Variants in IL15 observed in about 807,000 individuals in gnomAD.
IL15 encodes interleukin 15, also known as interleukin-15.
IL15 carries 11 observed loss-of-function variants against 19.6 expected under a neutral mutation model. That is an observed-to-expected ratio of 0.56 (90% CI 0.35 to 0.93). The LOEUF (loss-of-function observed/expected upper bound fraction) is 0.93. IL15 is among the 40% of genes least tolerant of loss of function. The probability of loss-of-function intolerance (pLI) is 0.01; values close to 1 mark genes in which losing one functional copy is unlikely to be tolerated. For synonymous variants in IL15, 58 were observed against 59.6 expected (o/e 0.97, Z 0.12); for missense variants, 197 against 186.5 (o/e 1.06, Z -0.33).
At position 141,685,053 on chromosome 4, in the gene IL15, T is replaced by G. The variant is rs532748624; in HGVS notation, c.-100+28746T>G. Among the ~76,000 whole-genome samples the G allele has an allele frequency of 6.6e-5, 10 of 152,310 alleles. No individual in the cohort carries two copies. In the East Asian group the frequency reaches 1.5e-3, roughly 24 times the overall value. Reference sequence around the variant, plus strand: ...ATTTGTATTTCCTCTTGGCTACTACTTAGTCATTCGATGATTCAAATCAAT... The same window carrying G: ...ATTTGTATTTCCTCTTGGCTACTACGTAGTCATTCGATGATTCAAATCAAT... On this transcript the variant is annotated intron_variant, in intron 2 of 7. Coordinates refer to ENST00000320650, the MANE Select transcript of IL15 (RefSeq NM_000585.5).
At chr4:141,660,071 T>C (rs773459298) in intron 2 of IL15, among the ~76,000 whole-genome samples, 1 of 152,194 alleles carries the variant, frequency 6.6e-6, no homozygotes. Flanking sequence ...CTGCTCTTAC[T>C]GTAACAAGAA....
At chr4:141,692,209 C>T (rs997349190) in intron 2 of IL15, among the ~76,000 whole-genome samples, 2 of 152,166 alleles carry the variant, frequency 1.3e-5, no homozygotes, top group Non-Finnish European at 2.9e-5. Context: ...TGCCATGTCC[C>T]GAGGCTGCAC....
intron 1 of IL15, among the ~76,000 whole-genome samples, chr4:141,644,833 C>G (rs1347736586): frequency 6.6e-6 from 1 of 152,092 alleles, no homozygotes. Context: ...AGTTGCTAGT[C>G]CATAGCAAGT....
intron 1 of IL15, among the ~76,000 whole-genome samples, chr4:141,642,792 G>T (rs1369389724): frequency 6.6e-6 from 1 of 152,096 alleles, no homozygotes; most frequent in Non-Finnish European, 1.5e-5. Flanking sequence ...GAATTCATTT[G>T]GTGCTGTCTA....
chr4:141,637,048 C>A (rs756928777), intron 1 of IL15: 4 of 152,278 alleles, frequency 2.6e-5, no homozygotes, highest in Non-Finnish European at 5.9e-5. Context: ...TGCGCTCTTA[C>A]GGCGTTCCAG....
intron 2 of IL15, among the ~76,000 whole-genome samples, chr4:141,657,156 A>G (rs1448436163): frequency 2.0e-5 from 3 of 152,210 alleles, no homozygotes; most frequent in Non-Finnish European, 2.9e-5. Flanking sequence ...GGCAATTGTA[A>G]CACAATGATA....
chr4:141,657,056 G>C (rs1032587084), intron 2 of IL15, among the ~76,000 whole-genome samples: 1 of 152,098 alleles, frequency 6.6e-6, no homozygotes, highest in African/African-American at 2.4e-5. Context: ...AACTGAGATG[G>C]TATAGCCTAT....
chr4:141,665,110 T>G (rs1021104061), intron 2 of IL15, among the ~76,000 whole-genome samples: 2 of 152,122 alleles, frequency 1.3e-5, no homozygotes, highest in Non-Finnish European at 2.9e-5. Flanking sequence ...TTTTATCATT[T>G]TTATTTCACC....
chr4:141,721,589 A>T, intron 4 of IL15: 1 of 525,222 alleles, frequency 1.9e-6, no homozygotes, highest in Non-Finnish European at 3.6e-6. Context: ...GAAACTAGTA[A>T]TTCATTCAAA....
intron 1 of IL15, among the ~76,000 whole-genome samples, chr4:141,650,316 G>GT (rs933767073): frequency 3.9e-5 from 6 of 152,088 alleles, no homozygotes; most frequent in African/African-American, 1.4e-4. Flanking sequence ...CAATGATGGT[G>GT]TAGGATAGTT....
chr4:141,699,422 G>T (rs1197248925), intron 2 of IL15, among the ~76,000 whole-genome samples: 2 of 152,110 alleles, frequency 1.3e-5, no homozygotes, highest in Admixed American at 6.6e-5. Context: ...CGCTGTCAGA[G>T]GAGTATTGAA....
chr4:141,682,251 C>A (rs534566035), intron 2 of IL15, among the ~76,000 whole-genome samples: 2 of 152,244 alleles, frequency 1.3e-5, no homozygotes, highest in East Asian at 3.9e-4. Flanking sequence ...CAGCTTTGTT[C>A]TCTGCATAAA....
intron 2 of IL15, among the ~76,000 whole-genome samples, chr4:141,699,359 T>C (rs1469896053): frequency 6.6e-6 from 1 of 152,182 alleles, no homozygotes; most frequent in East Asian, 1.9e-4. Flanking sequence ...TTCTATGGTA[T>C]AGCTTAAGTC....
At chr4:141,714,025 C>A (rs768579876) in intron 2 of IL15, among the ~76,000 whole-genome samples, 21 of 152,108 alleles carry the variant, frequency 1.4e-4, no homozygotes, top group Non-Finnish European at 2.5e-4. Context: ...AAAGGTCAGG[C>A]TCTCATACTA....
At chr4:141,692,261 A>G (rs1308883779) in intron 2 of IL15, among the ~76,000 whole-genome samples, 2 of 152,118 alleles carry the variant, frequency 1.3e-5, no homozygotes, top group East Asian at 3.9e-4. Flanking sequence ...AACTGTTTTT[A>G]TTTTCCTAGG....
intron 7 of IL15, 37 bp from the exon 8 acceptor site, chr4:141,732,701 A>T (rs751048789): frequency 3.1e-6 from 5 of 1,600,884 alleles, no homozygotes; most frequent in Non-Finnish European, 3.4e-6. Context: ...TAATTTAATT[A>T]TAAATTGCCA....
At chr4:141,707,201 T>C (rs1185124825) in intron 2 of IL15, among the ~76,000 whole-genome samples, 1 of 152,152 alleles carries the variant, frequency 6.6e-6, no homozygotes, top group Non-Finnish European at 1.5e-5. Flanking sequence ...GTTAAAAATT[T>C]CACTTGTATT....
chr4:141,666,366 A>G (rs944476832), intron 2 of IL15, among the ~76,000 whole-genome samples: 2 of 151,882 alleles, frequency 1.3e-5, no homozygotes, highest in Admixed American at 1.3e-4. Context: ...TAAAATTTTC[A>G]ATTTTATAAG....
In IL15 at chr4:141,647,213, T is replaced by A. The variant is rs141889862; in HGVS notation, c.-221-8973T>A. Among the ~76,000 whole-genome samples, 18 of 151,924 alleles carry A rather than the reference T, an allele frequency of 1.2e-4. No individual in the cohort carries two copies. The East Asian group carries it at 3.3e-3, about 28-fold the overall frequency. ...GGGAGGAGCAGAGCACAGCGAAGAGTCAGAGAATGCCGAAGATTTTAACCA... is the reference window on the plus strand; with the variant it reads ...GGGAGGAGCAGAGCACAGCGAAGAGACAGAGAATGCCGAAGATTTTAACCA... On this transcript the variant is annotated intron_variant, in intron 1 of 7. Coordinates refer to ENST00000320650, the MANE Select transcript of IL15 (RefSeq NM_000585.5).
Sources: gnomAD v4.1 joint callset for allele counts (sites outside exome capture counted in the v4.1 genomes callset) on GRCh38, gnomAD v4.1.1 for gene constraint, MANE v1.5 for transcripts, NCBI Gene and HGNC (gene_info 2026-07-23, HGNC 2026-07-21) for gene names.